The following FBXO16 variants were observed in gnomAD, a reference collection of about 807,000 sequenced individuals.
FBXO16 encodes F-box protein 16, also known as F-box only protein 16.
FBXO16 carries 31 observed loss-of-function variants against 41.0 expected under a neutral mutation model. The ratio of observed to expected loss-of-function variants is 0.76; its 90% CI spans 0.57 to 1.02. The LOEUF is 1.02. Ranked by LOEUF, FBXO16 falls within the 50% of genes least tolerant of loss-of-function variation. The pLI is 0.00. For missense variants in FBXO16, 361 were observed against 346.2 expected (o/e 1.04, Z -0.34); for synonymous variants, 133 against 117.8 (o/e 1.13, Z -0.84).
At chr8:28,484,842 C>T (rs964407957) in intron 1 of FBXO16, among the ~76,000 whole-genome samples, 4 of 152,068 alleles carry the variant, frequency 2.6e-5, no homozygotes, top group Non-Finnish European at 5.9e-5. Context: ...ATCCACCCCC[C>T]CTGGGCCTCC....
In FBXO16 at chr8:28,483,365, G is replaced by T. The variant is rs762642590; in HGVS notation, c.82C>A (p.Gln28Lys). ...TCACTTACCCGGTCATTCAATAGCT[G>T]ATGGTTTAGGGGTGTCCAGGTGCTC... ...KMSTWTPLNHQLLNDRVFEER... is the reference protein window; with the variant it reads ...KMSTWTPLNHKLLNDRVFEER... Residue 28 changes from glutamine (Q) to lysine (K), a missense_variant, in exon 2 of 9, where the codon CAG becomes AAG. Coordinates refer to ENST00000380254, the MANE Select transcript of FBXO16 (RefSeq NM_172366.4). The T allele has an allele frequency of 6.2e-7, 1 of 1,613,028 alleles. No homozygotes were observed. The highest frequency in any genetic ancestry group is 1.7e-5 in the Admixed American group (1 of 59,822).
At chr8:28,477,534 CCA>C (rs1198537948) in intron 2 of FBXO16, among the ~76,000 whole-genome samples, 1 of 152,124 alleles carries the variant, frequency 6.6e-6, no homozygotes, top group Non-Finnish European at 1.5e-5. Flanking sequence ...GTTTTCAACT[CCA>C]GAGTTATTGT....
chr8:28,432,566 A>G (rs1161344656), intron 7 of FBXO16, among the ~76,000 whole-genome samples: 1 of 152,240 alleles, frequency 6.6e-6, no homozygotes, highest in East Asian at 1.9e-4. Flanking sequence ...GCTGTAGAGC[A>G]GTTCACATCC....
intron 7 of FBXO16, among the ~76,000 whole-genome samples, chr8:28,434,933 G>A (rs1358352109): frequency 6.6e-6 from 1 of 152,246 alleles, no homozygotes; most frequent in Non-Finnish European, 1.5e-5. Flanking sequence ...GCCCCAGAGG[G>A]GGTGTCAGTG....
chr8:28,474,184 C>T (rs989140695), intron 2 of FBXO16, among the ~76,000 whole-genome samples: 11 of 151,372 alleles, frequency 7.3e-5, no homozygotes, highest in East Asian at 3.9e-4. Context: ...ATTAGCCAGG[C>T]GTGGTGGTGT....
intron 7 of FBXO16, among the ~76,000 whole-genome samples, chr8:28,433,059 CAAAAAA>C (rs10551698): frequency 8.5e-6 from 1 of 117,848 alleles, no homozygotes; most frequent in South Asian, 2.8e-4. Flanking sequence ...AGACTTCGTC[CAAAAAA>C]AAAAAAAACA....
intron 5 of FBXO16, 110 bp downstream of exon 5, chr8:28,456,656 C>G (rs1241270026): frequency 1.6e-6 from 2 of 1,231,656 alleles, no homozygotes; most frequent in African/African-American, 1.5e-5. Flanking sequence ...TAGTATATGT[C>G]CTTTGAACTA....
chr8:28,488,875 T>C (rs961092259), intron 1 of FBXO16, among the ~76,000 whole-genome samples: 6 of 152,160 alleles, frequency 3.9e-5, no homozygotes, highest in Admixed American at 1.3e-4. Context: ...TGGCCCCACC[T>C]TCATGCGCTC....
At position 28,489,991 on chromosome 8, in the gene FBXO16, A is replaced by C. The variant is rs977971; in HGVS notation, c.-17+195T>G. On this transcript the variant is annotated intron_variant, in intron 1 of 8. Coordinates refer to ENST00000380254, the MANE Select transcript of FBXO16 (RefSeq NM_172366.4). ...AGCAAGAACTATAACACAACGCAAA[A>C]AGCTAATGCTTGGTAGGCATATAAT... Among the ~76,000 whole-genome samples the C allele has an allele frequency of 3.3e-5, 5 of 152,308 alleles. No homozygotes were observed. In the South Asian group the frequency reaches 8.3e-4, roughly 25 times the overall value.
chr8:28,434,757 C>T (rs1038063635), intron 7 of FBXO16, among the ~76,000 whole-genome samples: 3 of 152,246 alleles, frequency 2.0e-5, no homozygotes, highest in Non-Finnish European at 2.9e-5. Context: ...CTGTGCTCAG[C>T]CCCTTGCGGG....
At chr8:28,459,621 A>AG in intron 4 of FBXO16, among the ~76,000 whole-genome samples, 1 of 115,000 alleles carries the variant, frequency 8.7e-6, no homozygotes, top group Non-Finnish European at 1.8e-5. Flanking sequence ...ACCCTGTCTC[A>AG]AAAATAATAA....
chr8:28,455,001 CT>C (rs1404708127), intron 5 of FBXO16, among the ~76,000 whole-genome samples: 1 of 151,832 alleles, frequency 6.6e-6, no homozygotes, highest in Non-Finnish European at 1.5e-5. Context: ...ATTTGCAAGT[CT>C]TCTCTGCATC....
rs879693475 is a variant in FBXO16 at position 28,486,869 on chromosome 8, C to T, written c.-17+3317G>A. Among the ~76,000 whole-genome samples, 20 of 151,896 alleles carry T rather than the reference C, an allele frequency of 1.3e-4. 1 individual carries two copies. The highest frequency in any genetic ancestry group is 2.4e-4 in the African/African-American group (10 of 41,366). On this transcript the variant is annotated intron_variant, in intron 1 of 8. Coordinates refer to ENST00000380254, the MANE Select transcript of FBXO16 (RefSeq NM_172366.4). ...ATAATAAAAACATAAAAATTAAATT[C>T]GTTGTTCTGAATCCTTTCTTAAGAG...
At chr8:28,438,618 T>C (rs1477383632) in intron 7 of FBXO16, among the ~76,000 whole-genome samples, 1 of 152,232 alleles carries the variant, frequency 6.6e-6, no homozygotes, top group African/African-American at 2.4e-5. Context: ...AGCTAGGTAC[T>C]GTGCTAATGC....
At chr8:28,460,245 A>ATATTTTTTT (rs1477457728) in intron 4 of FBXO16, among the ~76,000 whole-genome samples, 7 of 85,440 alleles carry the variant, frequency 8.2e-5, no homozygotes, top group African/African-American at 3.8e-4. Context: ...ATATATATAT[A>ATATTTTTTT]TTTTTTTTTT....
chr8:28,481,873 T>A (rs1035148387), intron 2 of FBXO16, among the ~76,000 whole-genome samples: 4 of 151,082 alleles, frequency 2.6e-5, no homozygotes, highest in African/African-American at 9.8e-5. Flanking sequence ...TTCTTGCAGG[T>A]TGTGTCTGCA....
chr8:28,476,695 G>A (rs188246322), intron 2 of FBXO16, among the ~76,000 whole-genome samples: 39 of 152,178 alleles, frequency 2.6e-4, no homozygotes, highest in African/African-American at 3.9e-4. Flanking sequence ...ATATTTTACC[G>A]TGTGACATCA....
intron 6 of FBXO16, 65 bp downstream of exon 6, chr8:28,452,179 A>T (rs181297266): frequency 1.4e-6 from 2 of 1,450,642 alleles, no homozygotes; most frequent in Non-Finnish European, 9.5e-7. Flanking sequence ...ATCTCTTCGT[A>T]TACTGAAATG....
Position 28,430,721 on chromosome 8 carries a change from T to C in FBXO16, c.844-1318A>G, listed in dbSNP as rs1016202751. ...GCGCAGTGGCTCATGCCTGTAATCCTAGCACTTTGGGAGGCCAAGGCGGGC... is the reference window on the plus strand; with the variant it reads ...GCGCAGTGGCTCATGCCTGTAATCCCAGCACTTTGGGAGGCCAAGGCGGGC... On this transcript the variant is annotated intron_variant, in intron 7 of 8. Coordinates refer to ENST00000380254, the MANE Select transcript of FBXO16 (RefSeq NM_172366.4). 1.6e-4 allele frequency among the ~76,000 whole-genome samples: 24 copies of C among 152,074 alleles called. 1 individual carries two copies. Among genetic ancestry groups the C allele is most frequent in the South Asian group, 1.2e-3 (6 of 4,824 alleles).
Sources: allele counts gnomAD v4.1 joint callset (sites outside exome capture counted in the v4.1 genomes callset), GRCh38; gene constraint gnomAD v4.1.1; transcripts MANE v1.5; gene names NCBI Gene and HGNC (gene_info 2026-07-23, HGNC 2026-07-21).